The following ZBTB10 variants were observed in gnomAD, a reference collection of about 807,000 sequenced individuals.
ZBTB10 encodes zinc finger and BTB domain containing 10.
ZBTB10 carries 32 observed loss-of-function variants against 76.4 expected under a neutral mutation model. The observed-to-expected ratio is 0.42, with a 90% CI of 0.32 to 0.56. The LOEUF (loss-of-function observed/expected upper bound fraction) is 0.56, where lower values mean the gene tolerates loss of function less well. Among genes scored for constraint, ZBTB10 ranks in the 20% least tolerant of loss-of-function variants. The pLI is 0.14. For missense variants in ZBTB10, 1,057 were observed against 1,098.5 expected (o/e 0.96, Z 0.53); for synonymous variants, 523 against 432.9 (o/e 1.21, Z -2.58).
rs60427214 is a variant in ZBTB10 at position 80,494,595 on chromosome 8, T to G, written c.973-4899T>G. On this transcript the variant is annotated intron_variant, in intron 1 of 5. Transcript: ENST00000455036. Reference sequence around the variant, plus strand: ...CACCTATCTTCCCTAATTAAGGTCTTTTTTTTCTGGCATGTATGTTGCCCT... The same window carrying G: ...CACCTATCTTCCCTAATTAAGGTCTGTTTTTTCTGGCATGTATGTTGCCCT... 1.0e-3 allele frequency among the ~76,000 whole-genome samples: 159 copies of G among 152,258 alleles called. 4 individuals carry two copies. In the East Asian group the frequency reaches 0.028, roughly 27 times the overall value.
intron 1 of ZBTB10, among the ~76,000 whole-genome samples, chr8:80,493,907 G>C (rs1815715327): frequency 6.6e-6 from 1 of 152,238 alleles, no homozygotes; most frequent in Non-Finnish European, 1.5e-5. Flanking sequence ...TCTGGGGATA[G>C]TACTTAAGCT....
upstream of ZBTB10, chr8:80,485,720 T>C (rs1336195648): frequency 1.9e-5 from 28 of 1,456,468 alleles, no homozygotes; most frequent in East Asian, 6.1e-4. Context: ...CACCGCCTGG[T>C]CCAGTCTTTG....
At chr8:80,500,642 G>A (rs1479554399) in intron 2 of ZBTB10, among the ~76,000 whole-genome samples, 2 of 152,180 alleles carry the variant, frequency 1.3e-5, no homozygotes, top group Non-Finnish European at 2.9e-5. Context: ...CGTGGACTCT[G>A]CTGCATGTAC....
intron 2 of ZBTB10, among the ~76,000 whole-genome samples, chr8:80,512,346 A>G (rs892873822): frequency 6.6e-6 from 1 of 152,162 alleles, no homozygotes; most frequent in Non-Finnish European, 1.5e-5. Flanking sequence ...TACACAATGG[A>G]TAATTCCTTC....
At chr8:80,498,671 G>C (rs964460876) in intron 1 of ZBTB10, among the ~76,000 whole-genome samples, 5 of 152,222 alleles carry the variant, frequency 3.3e-5, no homozygotes, top group African/African-American at 7.2e-5. Context: ...AGGACACGCA[G>C]TTAATGGCTG....
In ZBTB10 at chr8:80,486,293, G is replaced by A; in HGVS notation, c.-518G>A. 9.9e-7 allele frequency: 1 copy of A among 1,013,212 alleles called. No individual in the cohort carries two copies. The highest frequency in any genetic ancestry group is 1.2e-6 in the Non-Finnish European group (1 of 849,258). 62.8% of individuals were successfully genotyped at this position (1,013,212 alleles called of 1,614,324 possible). On this transcript the variant is annotated 5_prime_UTR_variant, in exon 1 of 6. Coordinates refer to ENST00000455036, the MANE Select transcript of ZBTB10 (RefSeq NM_001105539.3). ...GCTCCGCCGGCTTTATTGTCGCTTC[G>A]TTATGTGGCGGAGCCGAGCAGTTTA...
At chr8:80,489,109 T>G (rs995659116) in intron 1 of ZBTB10, among the ~76,000 whole-genome samples, 3 of 152,166 alleles carry the variant, frequency 2.0e-5, no homozygotes, top group Non-Finnish European at 4.4e-5. Context: ...CCTAAGAGTC[T>G]GGGGTGACCC....
At position 80,500,035 on chromosome 8, in the gene ZBTB10, G is replaced by A. The variant is rs1398132874; in HGVS notation, c.1514G>A (p.Arg505Gln). 1.2e-5 allele frequency: 19 copies of A among 1,613,802 alleles called. No individual in the cohort carries two copies. Among genetic ancestry groups the A allele is most frequent in the Middle Eastern group, 1.6e-4 (1 of 6,084 alleles). ...AAAATTGCCAGTTTTTGGGCAACAC[G>A]GAATCTTACCAATTTGGCAAGTAAT... ...DQKIASFWATRNLTNLASNVK... is the reference protein window; with the variant it reads ...DQKIASFWATQNLTNLASNVK... The change falls in exon 2 of 6, where the codon CGG becomes CAG. Residue 505 changes from arginine to glutamine, a missense_variant. Coordinates refer to ENST00000455036, the MANE Select transcript of ZBTB10 (RefSeq NM_001105539.3).
In ZBTB10 at chr8:80,522,443, A is replaced by G. The variant is rs1816468367; in HGVS notation, c.*2915A>G. ...GTTACAGACCGTCTCATAAATCAAG[A>G]TTGTGCATTATTAGAGTTCTCAGAG... On this transcript the variant is annotated 3_prime_UTR_variant, in exon 6 of 6. Coordinates refer to ENST00000455036, the MANE Select transcript of ZBTB10 (RefSeq NM_001105539.3). 2.6e-5 allele frequency: 4 copies of G among 151,866 alleles called. No individual in the cohort carries two copies. In the South Asian group the frequency reaches 8.3e-4, roughly 32 times the overall value. The allele number at this position is 151,866 out of a possible 1,614,324, so 9.4% of individuals were successfully genotyped here. A position where few individuals can be genotyped will look rare whatever the true frequency, so the allele number is the denominator to read the frequency against.
chr8:80,512,481 CAGG>C (rs1431615615), intron 2 of ZBTB10, among the ~76,000 whole-genome samples: 3 of 152,104 alleles, frequency 2.0e-5, no homozygotes, highest in Admixed American at 6.5e-5. Context: ...GAGGCCAAGG[CAGG>C]AGGATTGCTT....
chr8:80,495,052 A>G (rs1365246688), intron 1 of ZBTB10, among the ~76,000 whole-genome samples: 6 of 151,858 alleles, frequency 4.0e-5, no homozygotes, highest in Admixed American at 2.0e-4. Flanking sequence ...CGATTATATC[A>G]CTGCTTCTGA....
intron 1 of ZBTB10, among the ~76,000 whole-genome samples, chr8:80,498,153 C>T (rs570672136): frequency 2.6e-5 from 4 of 152,228 alleles, no homozygotes; most frequent in East Asian, 1.9e-4. Flanking sequence ...AGTCATGTTT[C>T]GTGATTGTTT....
chr8:80,500,614 G>A (rs1393571388), intron 2 of ZBTB10, among the ~76,000 whole-genome samples: 1 of 152,136 alleles, frequency 6.6e-6, no homozygotes, highest in Non-Finnish European at 1.5e-5. Flanking sequence ...GCCAGGTATT[G>A]CATATATTGT....
rs749180694 is a variant in ZBTB10, at chr8:80,521,453, T to C, written c.*1925T>C. ...AATATGTAAGTATAGTATAAAGATT[T>C]CTTTCATCCCATTTATCCCCTTCCT... On this transcript the variant is annotated 3_prime_UTR_variant, in exon 6 of 6. Transcript: ENST00000455036. 6.6e-6 allele frequency: 1 copy of C among 151,746 alleles called. No individual in the cohort carries two copies. The highest frequency in any genetic ancestry group is 1.5e-5 in the Non-Finnish European group (1 of 67,724). 9.4% of individuals were successfully genotyped at this position (151,746 alleles called of 1,614,324 possible). A position where few individuals can be genotyped will look rare whatever the true frequency, so the allele number is the denominator to read the frequency against.
intron 2 of ZBTB10, among the ~76,000 whole-genome samples, chr8:80,509,562 C>A (rs1816139759): frequency 6.6e-6 from 1 of 152,070 alleles, no homozygotes; most frequent in African/African-American, 2.4e-5. Context: ...GGTTGCTAGC[C>A]CACCGTGATC....
intron 1 of ZBTB10, 112 bp downstream of exon 1, chr8:80,487,894 TGA>T: frequency 1.6e-6 from 2 of 1,236,146 alleles, no homozygotes; most frequent in Non-Finnish European, 2.2e-6. Context: ...TTTTCCTGGG[TGA>T]AGACATCGTT....
intron 2 of ZBTB10, among the ~76,000 whole-genome samples, chr8:80,513,383 T>C (rs1816247233): frequency 6.6e-6 from 1 of 152,214 alleles, no homozygotes; most frequent in African/African-American, 2.4e-5. Context: ...CCTCAAGTGA[T>C]CTGCCCACCT....
At position 80,518,879 on chromosome 8, in the gene ZBTB10, A is replaced by G. The variant is rs1816393554; in HGVS notation, c.2235A>G (p.Thr745=). ...RTLKRHLLIH[T]GVRSFSCDIC... is the part of the protein sequence containing the mutation. ...TAAAAAGGCACTTGCTCATTCACAC[A>G]GGAGTGAGATCATTTAGCTGTGATA... The change falls in exon 5 of 6, where the codon ACA becomes ACG. Residue 745 remains threonine (T), a synonymous_variant. Coordinates refer to ENST00000455036, the MANE Select transcript of ZBTB10 (RefSeq NM_001105539.3). 1 of 1,611,632 alleles carries G rather than the reference A, an allele frequency of 6.2e-7. No homozygotes were observed.
chr8:80,489,206 A>G (rs546508747), intron 1 of ZBTB10, among the ~76,000 whole-genome samples: 31 of 152,012 alleles, frequency 2.0e-4, no homozygotes, highest in African/African-American at 6.5e-4. Flanking sequence ...GCTTTCTGCA[A>G]TTAACTAGCT....
Sources: allele counts gnomAD v4.1 joint callset (sites outside exome capture counted in the v4.1 genomes callset), GRCh38; gene constraint gnomAD v4.1.1; transcripts MANE v1.5; gene names NCBI Gene and HGNC (gene_info 2026-07-23, HGNC 2026-07-21).